The following LAMC2 variants were observed in gnomAD, a reference collection of about 807,000 sequenced individuals.
LAMC2 encodes laminin subunit gamma-2.
In LAMC2, 97 loss-of-function variants were observed where a neutral mutation model predicts 140.2. That is an observed-to-expected ratio of 0.69 (90% CI 0.59 to 0.82). The LOEUF is 0.82. Ranked by LOEUF, LAMC2 falls within the 40% of genes least tolerant of loss-of-function variation. The pLI, the probability that LAMC2 is intolerant of heterozygous loss-of-function variation, is 0.00. For missense variants in LAMC2, 1,402 were observed against 1,476.1 expected (o/e 0.95, Z 0.82); for synonymous variants, 513 against 540.2 (o/e 0.95, Z 0.70).
intron 2 of LAMC2, among the ~76,000 whole-genome samples, chr1:183,209,258 C>A (rs1443573185): frequency 6.6e-6 from 1 of 152,154 alleles, no homozygotes; most frequent in African/African-American, 2.4e-5. Flanking sequence ...CCACTTAAAG[C>A]ATACAGCCTT....
intron 1 of LAMC2, among the ~76,000 whole-genome samples, chr1:183,200,737 C>T (rs1173584027): frequency 6.6e-6 from 1 of 152,072 alleles, no homozygotes; most frequent in Non-Finnish European, 1.5e-5. Context: ...TCGCCTCACT[C>T]TATTGTTTAA....
In LAMC2 at chr1:183,226,983, A is replaced by C. The variant is rs114365714; in HGVS notation, c.1285+67A>C. 5.8e-4 allele frequency: 738 copies of C among 1,271,760 alleles called. 9 individuals are homozygous for C. The African/African-American group carries it at 8.8e-3, about 15-fold the overall frequency. The allele number at this position is 1,271,760 out of a possible 1,614,324, so 78.8% of individuals were successfully genotyped here. On this transcript the variant is annotated intron_variant, in intron 9 of 22. Coordinates refer to ENST00000264144, the MANE Select transcript of LAMC2 (RefSeq NM_005562.3). ...GTGGAAGAGAGAGAGCTGTGTAAGA[A>C]AGACCATGGCTGAACTCACATCAGA...
Position 183,225,822 on chromosome 1 carries a change from C to A in LAMC2, c.1066+102C>A, listed in dbSNP as rs1192678222. The A allele has an allele frequency of 5.3e-6, 4 of 755,334 alleles. No homozygotes were observed. In the East Asian group the frequency reaches 1.0e-4, roughly 19 times the overall value. The allele number at this position is 755,334 out of a possible 1,614,324, so 46.8% of individuals were successfully genotyped here. A position where few individuals can be genotyped will look rare whatever the true frequency, so the allele number is the denominator to read the frequency against. Reference sequence around the variant, plus strand: ...AGTCTCCAAACAAGTAGATAAGTTACTTGATGATCCTGACTTAGAATCACT... The same window carrying A: ...AGTCTCCAAACAAGTAGATAAGTTAATTGATGATCCTGACTTAGAATCACT... On this transcript the variant is annotated intron_variant, in intron 8 of 22. Transcript: ENST00000264144.
chr1:183,221,353 A>T (rs1339402909), intron 5 of LAMC2, among the ~76,000 whole-genome samples: 1 of 152,216 alleles, frequency 6.6e-6, no homozygotes, highest in Non-Finnish European at 1.5e-5. Context: ...TTTATGTGAA[A>T]TTAGTTCCCA....
chr1:183,217,889 T>C (rs2102214327), intron 3 of LAMC2, among the ~76,000 whole-genome samples: 1 of 152,350 alleles, frequency 6.6e-6, no homozygotes, highest in Non-Finnish European at 1.5e-5. Context: ...GGATTGTACA[T>C]TTTAAATGGG....
intron 22 of LAMC2, among the ~76,000 whole-genome samples, chr1:183,242,350 G>T (rs1227715050): frequency 1.3e-5 from 2 of 152,180 alleles, no homozygotes; most frequent in African/African-American, 4.8e-5. Flanking sequence ...GAGATTAATT[G>T]TTCTAGGTAT....
intron 6 of LAMC2, among the ~76,000 whole-genome samples, chr1:183,222,536 G>A (rs867410624): frequency 3.9e-5 from 6 of 151,936 alleles, no homozygotes; most frequent in Middle Eastern, 3.4e-3. Flanking sequence ...TTGAGAAGTA[G>A]GTGGAAAGCA....
intron 17 of LAMC2, among the ~76,000 whole-genome samples, chr1:183,237,024 A>G (rs1659983371): frequency 6.6e-6 from 1 of 152,198 alleles, no homozygotes; most frequent in Admixed American, 6.5e-5. Flanking sequence ...TTATTCGATT[A>G]AGAAGATTTT....
In LAMC2 at chr1:183,243,543, G is replaced by C. The variant is rs143302133; in HGVS notation, c.*143G>C. ...GGTCAACTGACCTGACCCCATTCCTGATCCCATGGCCAGGTGGTTGTCTTA... is the reference window on the plus strand; with the variant it reads ...GGTCAACTGACCTGACCCCATTCCTCATCCCATGGCCAGGTGGTTGTCTTA... On this transcript the variant is annotated 3_prime_UTR_variant, in exon 23 of 23. Coordinates refer to ENST00000264144, the MANE Select transcript of LAMC2 (RefSeq NM_005562.3). 7 of 1,002,610 alleles carry C rather than the reference G, an allele frequency of 7.0e-6. No individual in the cohort carries two copies. The highest frequency in any genetic ancestry group is 1.1e-5 in the Non-Finnish European group (7 of 648,318). 62.1% of individuals were successfully genotyped at this position (1,002,610 alleles called of 1,614,324 possible).
the LAMC2 span, chr1:183,252,593 G>A: frequency 2.4e-6 from 3 of 1,256,050 alleles, no homozygotes; most frequent in Non-Finnish European, 3.5e-6. Context: ...GAAACAGGGG[G>A]CTGACAAAGA....
At chr1:183,203,116 T>TA (rs762022135) in intron 1 of LAMC2, among the ~76,000 whole-genome samples, 81 of 152,312 alleles carry the variant, frequency 5.3e-4, no homozygotes, top group Non-Finnish European at 7.1e-4. Flanking sequence ...AAAATATATA[T>TA]TTTTTTAATT....
At chr1:183,237,164 C>A (rs995180282) in intron 17 of LAMC2, among the ~76,000 whole-genome samples, 188 bp from the exon 18 acceptor site, 1 of 152,122 alleles carries the variant, frequency 6.6e-6, no homozygotes, top group Non-Finnish European at 1.5e-5. Flanking sequence ...ATTGAGGGGA[C>A]CTGCTGCCTT....
At chr1:183,202,409 G>A (rs1658738035) in intron 1 of LAMC2, among the ~76,000 whole-genome samples, 1 of 152,096 alleles carries the variant, frequency 6.6e-6, no homozygotes, top group Non-Finnish European at 1.5e-5. Context: ...AAGGAAGGGG[G>A]AAAGGGGGCT....
At chr1:183,214,304 G>A (rs1163058769) in intron 2 of LAMC2, among the ~76,000 whole-genome samples, 1 of 152,190 alleles carries the variant, frequency 6.6e-6, no homozygotes, top group African/African-American at 2.4e-5. Flanking sequence ...TAGGGCTGAG[G>A]ACTGGGGAAG....
chr1:183,236,587 A>C lies in LAMC2; in HGVS notation c.2584A>C (p.Ser862Arg). The C allele has an allele frequency of 1.2e-6, 2 of 1,614,116 alleles. No individual in the cohort carries two copies. The highest frequency in any genetic ancestry group is 2.2e-5 in the South Asian group (2 of 91,072). ...TTCAGTGTCTCGGCTTCAGGGAGTC[A>C]GTGATCAGTCCTTTCAGGTGAGGGC... ...LDSVSRLQGV[S>R]DQSFQVEEAK... Residue 862 changes from serine to arginine, a missense_variant, in exon 17 of 23, where the codon AGT becomes CGT. By Grantham distance (110) the Ser-to-Arg change is moderately radical. Coordinates refer to ENST00000264144, the MANE Select transcript of LAMC2 (RefSeq NM_005562.3).
At chr1:183,221,587 G>A (rs1306238939) in intron 5 of LAMC2, among the ~76,000 whole-genome samples, 8 of 152,002 alleles carry the variant, frequency 5.3e-5, no homozygotes, top group Admixed American at 4.6e-4. Context: ...AAATTAGCCG[G>A]GCGTAGTGGT....
intron 2 of LAMC2, among the ~76,000 whole-genome samples, chr1:183,212,210 A>T (rs886551300): frequency 2.0e-5 from 3 of 152,172 alleles, no homozygotes; most frequent in African/African-American, 7.2e-5. Flanking sequence ...TGTGTTTCTG[A>T]TCCCCAAATC....
Position 183,237,113 on chromosome 1 carries a change from A to T in LAMC2, c.2602-239A>T, listed in dbSNP as rs189145522. 9.2e-5 allele frequency among the ~76,000 whole-genome samples: 14 copies of T among 152,350 alleles called. No homozygotes were observed. The East Asian group carries it at 1.7e-3, about 19-fold the overall frequency. On this transcript the variant is annotated intron_variant, in intron 17 of 22. Coordinates refer to ENST00000264144, the MANE Select transcript of LAMC2 (RefSeq NM_005562.3). ...TGAATATATAAACTAACATGTAAACATTTAAAAAATGAAAAAGAACAGAGA... is the reference window on the plus strand; with the variant it reads ...TGAATATATAAACTAACATGTAAACTTTTAAAAAATGAAAAAGAACAGAGA...
At chr1:183,212,002 T>G (rs182973317) in intron 2 of LAMC2, among the ~76,000 whole-genome samples, 132 of 148,392 alleles carry the variant, frequency 8.9e-4, no homozygotes, top group African/African-American at 3.1e-3. Context: ...GGGCAGGTTG[T>G]TTTTTTTTTG....
Sources: allele counts gnomAD v4.1 joint callset (sites outside exome capture counted in the v4.1 genomes callset), GRCh38; gene constraint gnomAD v4.1.1; transcripts MANE v1.5; gene names NCBI Gene and HGNC (gene_info 2026-07-23, HGNC 2026-07-21).